Variants in TMEM181 observed in about 807,000 individuals in gnomAD.
TMEM181 encodes transmembrane protein 181.
A neutral mutation model predicts 71.9 loss-of-function variants in TMEM181; 39 were observed. The observed-to-expected ratio is 0.54, with a 90% CI of 0.42 to 0.71. The LOEUF (loss-of-function observed/expected upper bound fraction) is 0.71, where lower values mean the gene tolerates loss of function less well. Among genes scored for constraint, TMEM181 ranks in the 30% least tolerant of loss-of-function variants. The pLI, the probability that TMEM181 is intolerant of heterozygous loss-of-function variation, is 0.00. For missense variants in TMEM181, 595 were observed against 583.0 expected (o/e 1.02, Z -0.21); for synonymous variants, 245 against 228.8 (o/e 1.07, Z -0.64).
chr6:158,554,821 A>G (rs1001687323), intron 1 of TMEM181, among the ~76,000 whole-genome samples: 1 of 152,256 alleles, frequency 6.6e-6, no homozygotes, highest in African/African-American at 2.4e-5. Context: ...AGTAAAAGAT[A>G]ATAAAACACA....
At chr6:158,557,954 GAACA>G (rs1487141224), upstream of TMEM181, among the ~76,000 whole-genome samples, 1 of 152,240 alleles carries the variant, frequency 6.6e-6, no homozygotes, top group Non-Finnish European at 1.5e-5. Flanking sequence ...AATGTTTGAA[GAACA>G]AATAAATGAG....
intron 6 of TMEM181, among the ~76,000 whole-genome samples, chr6:158,593,757 T>C (rs34524865): frequency 9.9e-4 from 151 of 152,342 alleles, no homozygotes; most frequent in Non-Finnish European, 1.9e-3. Flanking sequence ...ATTACTATTT[T>C]TTAGAGCAAT....
rs752767468 is a variant in TMEM181 at position 158,631,829 on chromosome 6, C to G, written c.1369C>G (p.Pro457Ala). The change falls in exon 17 of 17, where the codon CCG (proline) becomes GCG (alanine). Residue 457 changes from proline to alanine, a missense_variant. By Grantham distance (27) the Pro-to-Ala change is conservative (BLOSUM62 -1). Coordinates refer to ENST00000684151, the MANE Select transcript of TMEM181 (RefSeq NM_001376852.1). The stretch of plus-strand genomic sequence containing the variant: ...TCACAGGAGTGACTATGAGGAAATG[C>G]CGCTGCAGAACGGCCAGGCCATCCG... The part of the protein sequence containing the change: ...VIYGSDYEEM[P>A]LQNGQAIRAK... The G allele has an allele frequency of 1.1e-5, 18 of 1,599,428 alleles. No individual in the cohort carries two copies. Among genetic ancestry groups the G allele is most frequent in the Admixed American group, 6.9e-5 (4 of 58,300 alleles).
intron 1 of TMEM181, among the ~76,000 whole-genome samples, chr6:158,544,983 G>A (rs1441625027): frequency 1.3e-5 from 2 of 152,208 alleles, no homozygotes; most frequent in African/African-American, 4.8e-5. Context: ...GCCCTGGCAA[G>A]ACTACCCTAA....
chr6:158,631,471 T>A, intron 16 of TMEM181, 82 bp downstream of exon 16: 1 of 1,437,440 alleles, frequency 7.0e-7, no homozygotes, highest in Non-Finnish European at 9.8e-7. Flanking sequence ...GTTACTCTTC[T>A]AAAATTATTT....
At chr6:158,582,042 T>C (rs897347921) in intron 3 of TMEM181, among the ~76,000 whole-genome samples, 1 of 152,162 alleles carries the variant, frequency 6.6e-6, no homozygotes, top group African/African-American at 2.4e-5. Flanking sequence ...CCTTATAATT[T>C]TGCAAAAAGT....
At chr6:158,577,001 GCAGTGAGCCGAGATTGCGC>G (rs1231307822) in intron 2 of TMEM181, among the ~76,000 whole-genome samples, 2 of 146,876 alleles carry the variant, frequency 1.4e-5, no homozygotes, top group African/African-American at 5.1e-5. Flanking sequence ...GGTAGAGCTT[GCAGTGAGCCGAGATTGCGC>G]CACTGCACTC....
intron 6 of TMEM181, among the ~76,000 whole-genome samples, chr6:158,598,615 T>G (rs113418192): frequency 6.8e-6 from 1 of 147,062 alleles, no homozygotes; most frequent in Admixed American, 6.9e-5. Context: ...TCCTGGACAG[T>G]GCGTTTCATG....
rs778929471 is a variant in TMEM181 at position 158,631,083 on chromosome 6, C to T, written c.1283-240C>T. On this transcript the variant is annotated intron_variant, in intron 15 of 16. Transcript: ENST00000684151. Reference sequence around the variant, plus strand: ...CGTGGGCAATGGCAGCCTGCCTGCTCCTTCCCACAGGCCGCCTCCCTCAGC... The same window carrying T: ...CGTGGGCAATGGCAGCCTGCCTGCTTCTTCCCACAGGCCGCCTCCCTCAGC... Among the ~76,000 whole-genome samples the T allele has an allele frequency of 1.9e-4, 29 of 152,362 alleles. No individual in the cohort carries two copies. The South Asian group carries it at 2.1e-3, about 11-fold the overall frequency.
chr6:158,570,595 G>A (rs768103476), intron 1 of TMEM181, among the ~76,000 whole-genome samples: 5 of 151,998 alleles, frequency 3.3e-5, no homozygotes, highest in African/African-American at 9.7e-5. Flanking sequence ...GTCAGTATAC[G>A]TGCCCAAGAT....
At chr6:158,605,824 C>G (rs1250126311) in intron 7 of TMEM181, among the ~76,000 whole-genome samples, 1 of 151,936 alleles carries the variant, frequency 6.6e-6, no homozygotes, top group African/African-American at 2.4e-5. Context: ...GTCCACAAAC[C>G]CACATGACTT....
At chr6:158,560,016 C>G (rs1217362798), upstream of TMEM181, 7 of 983,038 alleles carry the variant, frequency 7.1e-6, no homozygotes, top group Non-Finnish European at 7.2e-6. Context: ...CCCGCGGCCC[C>G]GCTTCCACCG....
intron 10 of TMEM181, among the ~76,000 whole-genome samples, chr6:158,623,226 T>TA (rs1786073171): frequency 6.6e-6 from 1 of 152,210 alleles, no homozygotes; most frequent in Non-Finnish European, 1.5e-5. Context: ...CTAGTACTCA[T>TA]ACGTGCCATT....
rs573482439 is a variant in TMEM181, at chr6:158,609,583, G to A, written c.896+833G>A. ...GAAAAATATCCCGTCCTGGTTTTCT[G>A]TGTTCCAGTCGGCCTTCCAAACACA... On this transcript the variant is annotated intron_variant, in intron 10 of 16. Transcript: ENST00000684151. The A allele has an allele frequency of 4.5e-5, 7 of 156,692 alleles. No individual in the cohort carries two copies. The South Asian group carries it at 7.6e-4, about 17-fold the overall frequency. The allele number at this position is 156,692 out of a possible 1,614,324, so 9.7% of individuals were successfully genotyped here. A position where few individuals can be genotyped will look rare whatever the true frequency, so the allele number is the denominator to read the frequency against.
chr6:158,584,313 C>T (rs1431606424), intron 4 of TMEM181, among the ~76,000 whole-genome samples: 2 of 152,208 alleles, frequency 1.3e-5, no homozygotes, highest in East Asian at 1.9e-4. Context: ...CAGCCTTTTT[C>T]AGTGAGGATC....
In TMEM181 at chr6:158,619,646, C is replaced by G. The variant is rs187117113; in HGVS notation, c.897-3904C>G. 1.3e-3 allele frequency among the ~76,000 whole-genome samples: 202 copies of G among 151,990 alleles called. 1 individual carries two copies. Among genetic ancestry groups the G allele is most frequent in the Non-Finnish European group, 2.4e-3 (164 of 67,966 alleles). Reference sequence around the variant, plus strand: ...AGCACTTTGGGAGGCCAGTGCAGGCCGATCATGAGGTTAGGAGATTGAGAC... The same window carrying G: ...AGCACTTTGGGAGGCCAGTGCAGGCGGATCATGAGGTTAGGAGATTGAGAC... On this transcript the variant is annotated intron_variant, in intron 10 of 16. Coordinates refer to ENST00000684151, the MANE Select transcript of TMEM181 (RefSeq NM_001376852.1).
chr6:158,620,129 T>C lies in TMEM181; in HGVS notation c.897-3421T>C, dbSNP rs1339790354. Among the ~76,000 whole-genome samples, 1 of 152,128 alleles carries C rather than the reference T, an allele frequency of 6.6e-6. No individual in the cohort carries two copies. The highest frequency in any genetic ancestry group is 1.5e-5 in the Non-Finnish European group (1 of 68,016). ...CTTTAGGAGTCCCTGTGAGCCAAGT[T>C]TGGCGAGGTTGTGAAGGAGACAGCC... On this transcript the variant is annotated intron_variant, in intron 10 of 16. Transcript: ENST00000684151. The surrounding 1 kb of genome is among the most constrained non-coding windows in gnomAD (Gnocchi z 4.5).
intron 1 of TMEM181, among the ~76,000 whole-genome samples, chr6:158,539,532 C>T (rs1327698815): frequency 2.0e-5 from 3 of 152,172 alleles, no homozygotes; most frequent in Admixed American, 6.5e-5. Flanking sequence ...CCTGGAGGAC[C>T]GGGGACTCAC....
At chr6:158,550,188 G>C (rs1324183255) in intron 1 of TMEM181, among the ~76,000 whole-genome samples, 1 of 151,498 alleles carries the variant, frequency 6.6e-6, no homozygotes, top group African/African-American at 2.4e-5. Context: ...AGCCACATTT[G>C]GGCAACAAGG....
Sources: gnomAD v4.1 joint callset for allele counts (sites outside exome capture counted in the v4.1 genomes callset) on GRCh38, gnomAD v4.1.1 for gene constraint, Gnocchi (gnomAD v3.1) non-coding constraint, MANE v1.5 for transcripts, NCBI Gene and HGNC (gene_info 2026-07-23, HGNC 2026-07-21) for gene names.